ACOT9: variants seen among roughly 807,000 people sequenced by gnomAD.
The protein encoded by ACOT9 is acyl-CoA thioesterase 9.
A neutral mutation model predicts 39.7 loss-of-function variants in ACOT9; 34 were observed. That is an observed-to-expected ratio of 0.86 (90% CI 0.65 to 1.14). The LOEUF is 1.14. ACOT9 is among the 50% of genes most tolerant of loss of function. The probability of loss-of-function intolerance (pLI) is 0.00; values close to 1 mark genes in which losing one functional copy is unlikely to be tolerated. For synonymous variants in ACOT9, 110 were observed against 120.5 expected (o/e 0.91, Z 0.57); for missense variants, 313 against 344.1 (o/e 0.91, Z 0.71).
chrX:23,705,947 T>A (rs747046438), intron 11 of ACOT9, 89 bp from the exon 12 acceptor site: 39 of 796,193 alleles, frequency 4.9e-5, no homozygotes, highest in Non-Finnish European at 7.0e-5. Flanking sequence ...CCCAATACAC[T>A]CAGACAACTG....
chrX:23,733,752 G>T (rs1368418342), intron 3 of ACOT9, among the ~76,000 whole-genome samples: 2 of 77,285 alleles, frequency 2.6e-5, no homozygotes, highest in Non-Finnish European at 4.5e-5. Flanking sequence ...GCTAATTTTT[G>T]TAGTTTTGTT....
intron 4 of ACOT9, among the ~76,000 whole-genome samples, chrX:23,731,529 C>T (rs1929755028): frequency 9.3e-6 from 1 of 107,869 alleles, no homozygotes; most frequent in Admixed American, 1.0e-4. Context: ...CCCAAATGAG[C>T]CATATATTCA....
At chrX:23,734,981 C>CAAAA (rs56047011) in intron 2 of ACOT9, among the ~76,000 whole-genome samples, 2 of 29,759 alleles carry the variant, frequency 6.7e-5, no homozygotes, top group Non-Finnish European at 1.0e-4. Context: ...GACTTCATCT[C>CAAAA]AAAAAAAAAA....
intron 8 of ACOT9, among the ~76,000 whole-genome samples, chrX:23,720,609 C>T (rs768478964): frequency 9.0e-5 from 10 of 111,563 alleles, no homozygotes; most frequent in Non-Finnish European, 1.9e-4. Flanking sequence ...CCACCAGAAG[C>T]AAGAAACAGA....
chrX:23,704,026 T>C (rs1003218285), intron 15 of ACOT9, 44 bp from the exon 16 acceptor site: 7 of 1,045,289 alleles, frequency 6.7e-6, no homozygotes, highest in Non-Finnish European at 9.4e-6. Flanking sequence ...TGTAATACCG[T>C]AGAAAACCAT....
chrX:23,743,123 A>G lies in ACOT9; in HGVS notation c.20+2T>C. On this transcript the variant is annotated splice_donor_variant, in intron 1 of 15. Coordinates refer to ENST00000379303, the MANE Select transcript of ACOT9 (RefSeq NM_001037171.2). LOFTEE classifies it high-confidence loss of function. ...CAGCCCCTTCCACGCCCCGCCACCT[A>G]CCGCAGTGCTGCCCGCCTCATTGCG... 1 of 1,156,947 alleles carries G rather than the reference A, an allele frequency of 8.6e-7. No individual in the cohort carries two copies. The highest frequency in any genetic ancestry group is 1.2e-6 in the Non-Finnish European group (1 of 867,180).
intron 4 of ACOT9, among the ~76,000 whole-genome samples, chrX:23,731,625 T>C (rs997501892): frequency 1.3e-4 from 14 of 110,388 alleles, no homozygotes; most frequent in Non-Finnish European, 5.7e-5. Context: ...TATATATATA[T>C]ACATATAAAT....
intron 4 of ACOT9, among the ~76,000 whole-genome samples, chrX:23,732,088 C>T (rs1441902935): frequency 2.7e-5 from 3 of 111,897 alleles, no homozygotes; most frequent in African/African-American, 9.7e-5. Context: ...TAAAGTCAAG[C>T]TCATGGGGGA....
rs1928525719 is a variant in ACOT9, at chrX:23,702,757, A to G, written c.*1137T>C. On this transcript the variant is annotated 3_prime_UTR_variant, in exon 16 of 16. Transcript: ENST00000379303. ...AAGTTACTTAAACTCTCTGTGCTTC[A>G]GTTTCCCGAGTGGCCTAACCCTAAG... is the stretch of plus-strand genomic sequence containing the variant. 9.0e-6 allele frequency: 1 copy of G among 111,578 alleles called. No individual in the cohort carries two copies. The highest frequency in any genetic ancestry group is 9.6e-5 in the Admixed American group (1 of 10,393). The allele number at this position is 111,578 out of a possible 1,213,427, so 9.2% of individuals were successfully genotyped here.
intron 9 of ACOT9, among the ~76,000 whole-genome samples, chrX:23,710,495 C>T (rs919788289): frequency 8.0e-5 from 9 of 111,940 alleles, no homozygotes; most frequent in Non-Finnish European, 1.5e-4. Context: ...ACACTTGGAG[C>T]ATCAAGAGAA....
In ACOT9 at chrX:23,721,864, T is replaced by G. The variant is rs1269849755; in HGVS notation, c.588+17A>C. The G allele has an allele frequency of 8.5e-7, 1 of 1,180,213 alleles. No individual in the cohort carries two copies. The highest frequency in any genetic ancestry group is 3.0e-5 in the East Asian group (1 of 33,597). On this transcript the variant is annotated intron_variant, in intron 8 of 15. Coordinates refer to ENST00000379303, the MANE Select transcript of ACOT9 (RefSeq NM_001037171.2). ...GGTTTTACTTAAACAGTGGACAATC[T>G]TCAGGCGCATATTTACCTGGAACAT... is the stretch of plus-strand genomic sequence containing the variant.
At chrX:23,720,110 G>A (rs964366386) in intron 8 of ACOT9, among the ~76,000 whole-genome samples, 1 of 113,054 alleles carries the variant, frequency 8.8e-6, no homozygotes, top group Non-Finnish European at 1.9e-5. Flanking sequence ...TGGGATTACA[G>A]GCGTGAGCCA....
Position 23,702,909 on chromosome X carries a change from T to C in ACOT9, c.*985A>G, listed in dbSNP as rs958105983. On this transcript the variant is annotated 3_prime_UTR_variant, in exon 16 of 16. Coordinates refer to ENST00000379303, the MANE Select transcript of ACOT9 (RefSeq NM_001037171.2). ...CCATAAGCATAAGCAGCTATTATTA[T>C]TGTGGTTCCTATTTTTTAAATCAGA... 3 of 112,207 alleles carry C rather than the reference T, an allele frequency of 2.7e-5. No individual in the cohort carries two copies. Among genetic ancestry groups the C allele is most frequent in the Non-Finnish European group, 5.6e-5 (3 of 53,244 alleles). The allele number at this position is 112,207 out of a possible 1,213,427, so 9.2% of individuals were successfully genotyped here. A position where few individuals can be genotyped will look rare whatever the true frequency, so the allele number is the denominator to read the frequency against.
chrX:23,723,934 C>G (rs1480196879), intron 6 of ACOT9, among the ~76,000 whole-genome samples: 1 of 112,295 alleles, frequency 8.9e-6, no homozygotes, highest in African/African-American at 3.2e-5. Flanking sequence ...AGTTTTCTAG[C>G]TTGCATAGGT....
At chrX:23,738,303 C>A (rs771769843) in intron 1 of ACOT9, among the ~76,000 whole-genome samples, 19 of 110,027 alleles carry the variant, frequency 1.7e-4, no homozygotes, top group Non-Finnish European at 3.4e-4. Flanking sequence ...AGTATTCCTT[C>A]ATTCTTCCAT....
chrX:23,713,256 G>A (rs759173503), intron 8 of ACOT9, 48 bp from the exon 9 acceptor site: 13 of 1,029,949 alleles, frequency 1.3e-5, no homozygotes, highest in Middle Eastern at 2.6e-4. Flanking sequence ...TGGATTTATC[G>A]GGAAGACCTA....
chrX:23,711,202 G>A (rs1928884617), intron 9 of ACOT9, among the ~76,000 whole-genome samples: 1 of 109,110 alleles, frequency 9.2e-6, no homozygotes, highest in Non-Finnish European at 1.9e-5. Flanking sequence ...CATGCCTGTA[G>A]TCCCAGCTAC....
chrX:23,711,505 A>C (rs1036598146), intron 9 of ACOT9, among the ~76,000 whole-genome samples: 3 of 112,433 alleles, frequency 2.7e-5, no homozygotes, highest in Non-Finnish European at 5.6e-5. Flanking sequence ...CAATCGCCCT[A>C]GTTGTTAAGG....
At chrX:23,705,136 T>C (rs1851488952) in intron 13 of ACOT9, 56 bp from the exon 14 acceptor site, 1 of 1,020,746 alleles carries the variant, frequency 9.8e-7, no homozygotes, top group Non-Finnish European at 1.4e-6. Flanking sequence ...ATGATCTCAA[T>C]TGTTTCCTCT....
Sources: allele counts gnomAD v4.1 joint callset (sites outside exome capture counted in the v4.1 genomes callset), GRCh38; gene constraint gnomAD v4.1.1; transcripts MANE v1.5; gene names NCBI Gene and HGNC (gene_info 2026-07-23, HGNC 2026-07-21).